Variants in ACACA observed in about 807,000 individuals in gnomAD.
ACACA encodes the protein acetyl-CoA carboxylase 1.
In ACACA, 103 loss-of-function variants were observed where a neutral mutation model predicts 296.1. The observed-to-expected ratio is 0.35, with a 90% CI of 0.30 to 0.41. ACACA has a LOEUF of 0.41. ACACA is among the 10% of genes least tolerant of loss of function. The pLI, the probability that ACACA is intolerant of heterozygous loss-of-function variation, is 1.00. For synonymous variants in ACACA, 953 were observed against 1,038.6 expected, an observed-to-expected ratio of 0.92 and a Z score of 1.58; for missense variants, 1,554 against 2,989.7, an observed-to-expected ratio of 0.52 and a Z score of 11.20.
chr17:37,211,931 A>T (rs1174923860), intron 29 of ACACA, among the ~76,000 whole-genome samples: 1 of 152,192 alleles, frequency 6.6e-6, no homozygotes, highest in Non-Finnish European at 1.5e-5. Flanking sequence ...AGAGATCCTT[A>T]GTTATAATGC....
Position 37,089,025 on chromosome 17 carries a change from T to A in ACACA, c.6941A>T (p.Gln2314Leu). ...GTGAACACCATCCTCCTCTGTCAGC[T>A]GTTTCTCTAGCCACTCCGCCAGATC... ...NKDLAEWLEKQLTEEDGVHSV... is the reference protein window; with the variant it reads ...NKDLAEWLEKLLTEEDGVHSV... The change falls in exon 55 of 56, where the codon CAG (glutamine) becomes CTG (leucine). Residue 2314 changes from glutamine (Q) to leucine (L), a missense_variant. Gln to Leu is a moderately radical substitution (Grantham distance 113, BLOSUM62 -2). Around this residue, in one of 16 missense-constraint regions of ACACA, gnomAD observed 553 missense variants for 1,043.6 expected, o/e 0.53. Transcript: ENST00000616317. 6.2e-7 allele frequency: 1 copy of A among 1,614,222 alleles called. No homozygotes were observed. Among genetic ancestry groups the A allele is most frequent in the Non-Finnish European group, 8.5e-7 (1 of 1,180,050 alleles).
intron 45 of ACACA, among the ~76,000 whole-genome samples, chr17:37,141,966 C>T (rs921089567): frequency 2.6e-5 from 4 of 151,454 alleles, no homozygotes. Flanking sequence ...GCTGGGATTA[C>T]AGGCATGAGC....
intron 45 of ACACA, among the ~76,000 whole-genome samples, chr17:37,144,865 TATC>T (rs1169780195): frequency 6.6e-6 from 1 of 152,076 alleles, no homozygotes; most frequent in Non-Finnish European, 1.5e-5. Flanking sequence ...AAAAGTCACA[TATC>T]ATCTCCTGGT....
intron 33 of ACACA, among the ~76,000 whole-genome samples, chr17:37,203,879 G>C (rs1463242286): frequency 6.6e-6 from 1 of 152,198 alleles, no homozygotes; most frequent in African/African-American, 2.4e-5. Flanking sequence ...TACAGAAAAA[G>C]CCCTAGGCAT....
chr17:37,400,756 G>A (rs1206626821), intron 1 of ACACA, among the ~76,000 whole-genome samples: 1 of 151,960 alleles, frequency 6.6e-6, no homozygotes, highest in Non-Finnish European at 1.5e-5. Flanking sequence ...GTGTGTGTGT[G>A]TGTGTATCTA....
At chr17:37,244,558 C>T in intron 21 of ACACA, 30 bp downstream of exon 21, 1 of 1,612,258 alleles carries the variant, frequency 6.2e-7, no homozygotes, top group African/African-American at 1.3e-5. Context: ...CCCATTTGTA[C>T]ATCCCTTCCC....
At chr17:37,401,203 T>C (rs898898852) in intron 1 of ACACA, among the ~76,000 whole-genome samples, 2 of 151,182 alleles carry the variant, frequency 1.3e-5, no homozygotes, top group Non-Finnish European at 3.0e-5. Context: ...TTTCTTTTTT[T>C]TTTTTTTTTG....
intron 29 of ACACA, among the ~76,000 whole-genome samples, chr17:37,217,139 T>C (rs1222255524): frequency 6.6e-6 from 1 of 151,346 alleles, no homozygotes. Flanking sequence ...TGTACGCCTG[T>C]AATCCCAGCT....
chr17:37,376,537 T>C (rs1372365154), intron 1 of ACACA, among the ~76,000 whole-genome samples: 1 of 152,180 alleles, frequency 6.6e-6, no homozygotes, highest in African/African-American at 2.4e-5. Flanking sequence ...ACGGTGATAT[T>C]CTTGGGTGGG....
intron 54 of ACACA, among the ~76,000 whole-genome samples, chr17:37,090,192 G>C (rs72826155): frequency 0.044 from 6,680 of 152,254 alleles, 210 homozygotes; most frequent in Non-Finnish European, 0.064. Context: ...TTCATCACAA[G>C]AGGCCTCAAG....
intron 45 of ACACA, among the ~76,000 whole-genome samples, chr17:37,135,575 G>A (rs2075296978): frequency 6.6e-6 from 1 of 152,132 alleles, no homozygotes; most frequent in Non-Finnish European, 1.5e-5. Context: ...GTCAGTGGAA[G>A]GAAAAGAAAC....
chr17:37,300,795 T>C (rs2083582842), intron 3 of ACACA, among the ~76,000 whole-genome samples: 1 of 152,234 alleles, frequency 6.6e-6, no homozygotes, highest in Non-Finnish European at 1.5e-5. Flanking sequence ...CTGGTTGTTC[T>C]CTGGTCTGTA....
intron 10 of ACACA, among the ~76,000 whole-genome samples, chr17:37,270,260 G>A (rs1266812468): frequency 6.6e-6 from 1 of 152,170 alleles, no homozygotes; most frequent in Non-Finnish European, 1.5e-5. Context: ...TGAGACATAT[G>A]ATAGAAACTC....
chr17:37,097,123 C>T lies in ACACA; in HGVS notation c.6764G>A (p.Arg2255Gln), dbSNP rs1301964880. 5 of 1,613,898 alleles carry T rather than the reference C, an allele frequency of 3.1e-6. No individual in the cohort carries two copies. The highest frequency in any genetic ancestry group is 1.7e-5 in the Admixed American group (1 of 59,988). ...WKTSRTFFYW[R>Q]LRRLLLEDLV... ...GTCCTCCAGCAGAAGACGCCTCAGC[C>T]GCCAGTAGAAGAAGGTACGGGATGT... Residue 2255 changes from arginine to glutamine, a missense_variant, in exon 54 of 56, where the codon CGG becomes CAG. Transcript: ENST00000616317. This position sits in a 1 kb window ranked among gnomAD's most constrained non-coding sequence, Gnocchi z 4.8.
At chr17:37,332,547 G>A (rs998176258) in intron 2 of ACACA, among the ~76,000 whole-genome samples, 2 of 145,912 alleles carry the variant, frequency 1.4e-5, no homozygotes, top group Non-Finnish European at 3.0e-5. Flanking sequence ...GAGGCAGGAG[G>A]ATTGTTTGAG....
At chr17:37,298,034 T>G (rs1420939996) in intron 3 of ACACA, among the ~76,000 whole-genome samples, 2 of 152,180 alleles carry the variant, frequency 1.3e-5, no homozygotes, top group African/African-American at 4.8e-5. Flanking sequence ...TATATCTCCC[T>G]GCAACCTCAA....
chr17:37,092,961 AG>A (rs1254784027), intron 54 of ACACA, among the ~76,000 whole-genome samples: 1 of 152,194 alleles, frequency 6.6e-6, no homozygotes, highest in African/African-American at 2.4e-5. Flanking sequence ...CAATAGCCAA[AG>A]GACATGTGGG....
At chr17:37,186,245 A>T (rs915150213) in intron 39 of ACACA, among the ~76,000 whole-genome samples, 1 of 152,244 alleles carries the variant, frequency 6.6e-6, no homozygotes, top group Non-Finnish European at 1.5e-5. Context: ...GAAGCCATCA[A>T]AATTATTTTA....
At chr17:37,124,561 C>T (rs1567689530) in intron 48 of ACACA, among the ~76,000 whole-genome samples, 1 of 152,170 alleles carries the variant, frequency 6.6e-6, no homozygotes, top group Non-Finnish European at 1.5e-5. Flanking sequence ...AGTCGAGTAT[C>T]AGGGTTCTCG....
Sources: gnomAD v4.1 joint callset for allele counts (sites outside exome capture counted in the v4.1 genomes callset) on GRCh38, gnomAD v4.1.1 for gene constraint, gnomAD v4.1.1 regional missense constraint, Gnocchi (gnomAD v3.1) non-coding constraint, MANE v1.5 for transcripts, NCBI Gene and HGNC (gene_info 2026-07-23, HGNC 2026-07-21) for gene names.